MVK: variants seen among roughly 807,000 people sequenced by gnomAD.
MVK encodes the protein mevalonate kinase.
In MVK, 34 loss-of-function variants were observed where a neutral mutation model predicts 43.2. That is an observed-to-expected ratio of 0.79 (90% CI 0.60 to 1.05). The LOEUF (loss-of-function observed/expected upper bound fraction) is 1.05, where lower values mean the gene tolerates loss of function less well. MVK is among the 50% of genes least tolerant of loss of function. The probability of loss-of-function intolerance (pLI) is 0.00; values close to 1 mark genes in which losing one functional copy is unlikely to be tolerated. For synonymous variants in MVK, 190 were observed against 219.8 expected (o/e 0.86, Z 1.20); for missense variants, 395 against 504.0 (o/e 0.78, Z 2.07).
At chr12:109,594,453 A>G (rs1885825379) in intron 9 of MVK, among the ~76,000 whole-genome samples, 1 of 152,164 alleles carries the variant, frequency 6.6e-6, no homozygotes, top group South Asian at 2.1e-4. Context: ...TGTTATTTGA[A>G]ACTTTTTCTC....
chr12:109,583,558 C>T (rs956954590), intron 5 of MVK, among the ~76,000 whole-genome samples: 1 of 152,138 alleles, frequency 6.6e-6, no homozygotes, highest in Non-Finnish European at 1.5e-5. Context: ...GCAATAAACA[C>T]ACGTGTGCAT....
rs1372710060 is a variant in MVK, at chr12:109,574,435, C to G, written c.-14-374C>G. 2.6e-5 allele frequency among the ~76,000 whole-genome samples: 4 copies of G among 152,204 alleles called. No homozygotes were observed. In the East Asian group the frequency reaches 7.7e-4, roughly 29 times the overall value. On this transcript the variant is annotated intron_variant, in intron 1 of 10. Coordinates refer to ENST00000228510, the MANE Select transcript of MVK (RefSeq NM_000431.4). ...AACAGAGCCAGTAATAAGTAGCTCT[C>G]AGTAATTGAATGATTAGTAGGTGCC...
At chr12:109,592,729 G>A (rs973739803) in intron 9 of MVK, among the ~76,000 whole-genome samples, 1 of 152,212 alleles carries the variant, frequency 6.6e-6, no homozygotes, top group Admixed American at 6.5e-5. Flanking sequence ...CAGGGGTCCA[G>A]CCGACGGACT....
upstream of MVK, chr12:109,573,784 A>C: frequency 2.4e-6 from 1 of 416,966 alleles, no homozygotes; most frequent in Non-Finnish European, 4.5e-6. Flanking sequence ...CCTCCCCTTG[A>C]GGCACGGGCG....
chr12:109,573,601 A>C, upstream of MVK: 1 of 1,220,052 alleles, frequency 8.2e-7, no homozygotes, highest in Non-Finnish European at 1.2e-6. Flanking sequence ...CGCAGTTCTC[A>C]CCCCAGGGCG....
intron 10 of MVK, among the ~76,000 whole-genome samples, chr12:109,596,044 T>C (rs955744873): frequency 1.3e-5 from 2 of 152,192 alleles, no homozygotes; most frequent in African/African-American, 4.8e-5. Flanking sequence ...TGCCAGGCAC[T>C]TTACCTGCGT....
chr12:109,576,685 ACATGTCGAAAC>A (rs899425771), intron 3 of MVK, among the ~76,000 whole-genome samples: 4 of 152,170 alleles, frequency 2.6e-5, no homozygotes, highest in African/African-American at 9.7e-5. Flanking sequence ...AGCCTGGCCA[ACATGTCGAAAC>A]CATGTCTCTA....
chr12:109,583,024 T>A (rs1347363638), intron 5 of MVK, among the ~76,000 whole-genome samples: 1 of 151,856 alleles, frequency 6.6e-6, no homozygotes, highest in Non-Finnish European at 1.5e-5. Context: ...TTTGTTTTTG[T>A]TTTTGTTTTT....
At chr12:109,576,296 AT>A in intron 3 of MVK, 151 bp downstream of exon 3, 1 of 1,005,340 alleles carries the variant, frequency 9.9e-7, no homozygotes, top group Non-Finnish European at 1.5e-6. Flanking sequence ...CACTCATTTT[AT>A]TTTTTTAAAA....
At chr12:109,576,585 A>T (rs1884967198) in intron 3 of MVK, among the ~76,000 whole-genome samples, 1 of 152,142 alleles carries the variant, frequency 6.6e-6, no homozygotes, top group African/African-American at 2.4e-5. Context: ...AATTGATAAA[A>T]GTAGGCCAGG....
intron 3 of MVK, among the ~76,000 whole-genome samples, chr12:109,579,499 C>G (rs757936436): frequency 1.3e-5 from 2 of 152,170 alleles, no homozygotes; most frequent in Non-Finnish European, 2.9e-5. Context: ...AAAGTTTACA[C>G]CCCTTATTTA....
intron 7 of MVK, chr12:109,588,732 A>C (rs1885549054): frequency 6.6e-6 from 1 of 152,266 alleles, no homozygotes; most frequent in Non-Finnish European, 1.5e-5. Flanking sequence ...AAGTATCATT[A>C]AGCACCTACT....
intron 4 of MVK, 78 bp downstream of exon 4, chr12:109,580,024 G>A: frequency 1.3e-6 from 2 of 1,593,102 alleles, no homozygotes; most frequent in Non-Finnish European, 1.7e-6. Context: ...CATTGCTGCT[G>A]GAGAATGCAC....
chr12:109,592,320 A>G (rs1885723325), intron 9 of MVK, among the ~76,000 whole-genome samples: 1 of 152,232 alleles, frequency 6.6e-6, no homozygotes, highest in African/African-American at 2.4e-5. Context: ...CCCTGGACAC[A>G]GTCCACCTGG....
intron 9 of MVK, among the ~76,000 whole-genome samples, chr12:109,591,706 G>A (rs1885691123): frequency 6.6e-6 from 1 of 152,166 alleles, no homozygotes; most frequent in African/African-American, 2.4e-5. Flanking sequence ...TCGGTGCAGG[G>A]GTGACTTCTT....
At chr12:109,594,976 G>A (rs1885851121) in intron 9 of MVK, 52 bp from the exon 10 acceptor site, 1 of 1,609,290 alleles carries the variant, frequency 6.2e-7, no homozygotes, top group African/African-American at 1.3e-5. Flanking sequence ...GTGGGCATAG[G>A]ACCTTGGCCT....
In MVK at chr12:109,595,153, T is replaced by C; in HGVS notation, c.1011T>C (p.Gly337=). 6.2e-7 allele frequency: 1 copy of C among 1,614,006 alleles called. No homozygotes were observed. Among genetic ancestry groups the C allele is most frequent in the East Asian group, 2.2e-5 (1 of 44,854 alleles). The change falls in exon 10 of 11, where the codon GGT becomes GGC. Residue 337 remains glycine (G), a synonymous_variant. Coordinates refer to ENST00000228510, the MANE Select transcript of MVK (RefSeq NM_000431.4). The surrounding 1 kb of genome is among the most constrained non-coding windows in gnomAD (Gnocchi z 5.9). ...GCAAGCTGACTGGCGCAGGCGGTGG[T>C]GGCTGTGGCATCACACTCCTCAAGC... is the stretch of plus-strand genomic sequence containing the variant. The part of the protein sequence containing the change: ...LHSKLTGAGG[G]GCGITLLKPG...
At chr12:109,581,269 A>T in intron 4 of MVK, 126 bp from the exon 5 acceptor site, 1 of 1,231,044 alleles carries the variant, frequency 8.1e-7, no homozygotes. Flanking sequence ...TGGGGTCAGG[A>T]ATTCTCCCCC....
At chr12:109,590,334 G>A (rs905795905) in intron 7 of MVK, 15 of 310,862 alleles carry the variant, frequency 4.8e-5, no homozygotes, top group African/African-American at 2.8e-4. Flanking sequence ...GCCGGGTTCC[G>A]CCACCTCCAG....
Sources: gnomAD v4.1 joint callset for allele counts (sites outside exome capture counted in the v4.1 genomes callset) on GRCh38, gnomAD v4.1.1 for gene constraint, Gnocchi (gnomAD v3.1) non-coding constraint, MANE v1.5 for transcripts, NCBI Gene and HGNC (gene_info 2026-07-23, HGNC 2026-07-21) for gene names.